DST: variants seen among roughly 807,000 people sequenced by gnomAD.
DST encodes dystonin.
Under a neutral mutation model 875.2 loss-of-function variants are expected in DST, and 253 were observed. The ratio of observed to expected loss-of-function variants is 0.29; its 90% CI spans 0.26 to 0.32. The LOEUF (loss-of-function observed/expected upper bound fraction) is 0.32. Among genes scored for constraint, DST ranks in the 10% least tolerant of loss-of-function variants. The pLI is 1.00. For synonymous variants in DST, 3,124 were observed against 3,197.1 expected (o/e 0.98, Z 0.77); for missense variants, 8,287 against 9,111.6 (o/e 0.91, Z 3.68).
At chr6:56,772,189 G>A (rs546217922) in intron 4 of DST, among the ~76,000 whole-genome samples, 4 of 152,138 alleles carry the variant, frequency 2.6e-5, no homozygotes, top group East Asian at 3.9e-4. Flanking sequence ...AGCAGGCTTC[G>A]GTTATGTAAA....
At chr6:56,632,790 G>T in intron 28 of DST, 64 bp downstream of exon 28, 1 of 1,383,208 alleles carries the variant, frequency 7.2e-7, no homozygotes, top group South Asian at 1.2e-5. Context: ...TTCCCATTGA[G>T]AGCAAAAAAT....
intron 3 of DST, among the ~76,000 whole-genome samples, chr6:56,863,695 T>C (rs1035608876): frequency 2.6e-5 from 4 of 152,132 alleles, no homozygotes; most frequent in Non-Finnish European, 5.9e-5. Context: ...CCAACAATAA[T>C]AAAGCAAAGA....
chr6:56,781,004 T>G (rs2099692503), intron 4 of DST, among the ~76,000 whole-genome samples: 1 of 152,224 alleles, frequency 6.6e-6, no homozygotes, highest in African/African-American at 2.4e-5. Context: ...ATTGCTTGTT[T>G]TTCTCAGGTT....
chr6:56,751,193 A>G (rs1389769616), intron 4 of DST, among the ~76,000 whole-genome samples: 3 of 152,198 alleles, frequency 2.0e-5, no homozygotes, highest in Non-Finnish European at 2.9e-5. Context: ...ATTATTAGCT[A>G]CTAGTAGAAA....
intron 99 of DST, 26 bp downstream of exon 99, chr6:56,466,052 T>C: frequency 6.5e-7 from 1 of 1,531,470 alleles, no homozygotes; most frequent in Non-Finnish European, 9.0e-7. Flanking sequence ...ACTTTCATGA[T>C]GTTATCATGA....
intron 4 of DST, among the ~76,000 whole-genome samples, chr6:56,825,088 C>T (rs576355747): frequency 8.6e-5 from 13 of 151,986 alleles, no homozygotes; most frequent in African/African-American, 2.9e-4. Context: ...ATTGAGAAAT[C>T]GGATGGTTGC....
chr6:56,801,025 G>GAAAAAAA (rs34514599), intron 4 of DST, among the ~76,000 whole-genome samples: 1 of 66,966 alleles, frequency 1.5e-5, no homozygotes. Flanking sequence ...GTCTCAGGGA[G>GAAAAAAA]AAAAAAAAAA....
chr6:56,827,223 T>A (rs1329748549), intron 4 of DST, among the ~76,000 whole-genome samples: 1 of 152,084 alleles, frequency 6.6e-6, no homozygotes, highest in Admixed American at 6.6e-5. Context: ...ATTTAAAAAA[T>A]GGTAAAACAG....
chr6:56,585,361 G>C (rs1456665903), intron 49 of DST, among the ~76,000 whole-genome samples: 1 of 152,172 alleles, frequency 6.6e-6, no homozygotes, highest in African/African-American at 2.4e-5. Context: ...ATTTCTTCTA[G>C]ATTTTCTAGT....
At chr6:56,567,053 A>C (rs543129420) in intron 55 of DST, among the ~76,000 whole-genome samples, 2 of 152,286 alleles carry the variant, frequency 1.3e-5, no homozygotes, top group East Asian at 3.9e-4. Flanking sequence ...GAATAATAAT[A>C]CCTAACTGTG....
At chr6:56,641,687 A>G (rs140409038) in intron 17 of DST, among the ~76,000 whole-genome samples, 1 of 152,192 alleles carries the variant, frequency 6.6e-6, no homozygotes, top group Non-Finnish European at 1.5e-5. Flanking sequence ...ACTTACATCT[A>G]TATCTAGGGT....
intron 2 of DST, among the ~76,000 whole-genome samples, chr6:56,944,355 C>CA (rs71303767): frequency 0.14 from 19,732 of 145,998 alleles, 1,438 homozygotes; most frequent in Middle Eastern, 0.21. Context: ...CTCACAATAA[C>CA]AAAAAAAAAA....
intron 5 of DST, among the ~76,000 whole-genome samples, chr6:56,729,773 G>A (rs1031845397): frequency 6.6e-6 from 1 of 151,942 alleles, no homozygotes; most frequent in Non-Finnish European, 1.5e-5. Flanking sequence ...TTATCTTCCC[G>A]CCACCAAATC....
intron 2 of DST, among the ~76,000 whole-genome samples, chr6:56,919,658 A>G (rs1189281774): frequency 1.3e-5 from 2 of 152,162 alleles, no homozygotes; most frequent in South Asian, 2.1e-4. Context: ...TTGGATATAT[A>G]TATTTGGGCC....
Position 56,607,903 on chromosome 6 carries a change from T to C in DST, c.6725A>G (p.Asp2242Gly), listed in dbSNP as rs1455189230. ...ACATTCTTTTATGGCTGTGTTTCCA[T>C]CAAATTCTGCATGACAGCCTTCCAG... ...MLLEGCHAEFDGNTAIKECLD... is the reference protein window; with the variant it reads ...MLLEGCHAEFGGNTAIKECLD... Residue 2242 changes from aspartate to glycine, a missense_variant, in exon 40 of 104, where the codon GAT (aspartate) becomes GGT (glycine). Asp to Gly is a moderately conservative substitution (Grantham distance 94). Coordinates refer to ENST00000680361, the MANE Select transcript of DST (RefSeq NM_001374736.1). 4 of 1,613,582 alleles carry C rather than the reference T, an allele frequency of 2.5e-6. No homozygotes were observed. Among genetic ancestry groups the C allele is most frequent in the Non-Finnish European group, 3.4e-6 (4 of 1,179,758 alleles).
At position 56,651,172 on chromosome 6, in the gene DST, T is replaced by C. The variant is rs1259516038; in HGVS notation, c.1287A>G (p.Val429=). The C allele has an allele frequency of 6.2e-7, 1 of 1,612,864 alleles. No homozygotes were observed. The change falls in exon 11 of 104, where the codon GTA becomes GTG. Residue 429 remains valine, a synonymous_variant. Transcript: ENST00000680361. ...GTCTTATAACACCAATTTTTTCTGC[T>C]ACGTAAAAAGCATGCTCTAAATTTG... ...NLANLEHAFY[V]AEKIGVIRLL... is the part of the protein sequence containing the mutation.
At chr6:56,599,688 G>A (rs1467681846) in intron 45 of DST, among the ~76,000 whole-genome samples, 1 of 152,054 alleles carries the variant, frequency 6.6e-6, no homozygotes. Context: ...CAAGAAAGAA[G>A]GAGTAAGAAG....
intron 44 of DST, 31 bp downstream of exon 44, chr6:56,601,412 A>G (rs1333513789): frequency 2.1e-6 from 3 of 1,446,500 alleles, no homozygotes; most frequent in African/African-American, 2.8e-5. Flanking sequence ...ACTAAAAACA[A>G]TGAATGCCAA....
intron 36 of DST, chr6:56,616,027 A>G (rs765564299): frequency 1.9e-6 from 3 of 1,614,192 alleles, no homozygotes; most frequent in Non-Finnish European, 2.5e-6. Flanking sequence ...CTTGGGCTTC[A>G]AGGCATCGGA....
Sources: allele counts gnomAD v4.1 joint callset (sites outside exome capture counted in the v4.1 genomes callset), GRCh38; gene constraint gnomAD v4.1.1; transcripts MANE v1.5; gene names NCBI Gene and HGNC (gene_info 2026-07-23, HGNC 2026-07-21).